UBASH3B: variants seen among roughly 807,000 people sequenced by gnomAD.
UBASH3B encodes ubiquitin-associated and SH3 domain-containing protein B.
In UBASH3B, 37 loss-of-function variants were observed where a neutral mutation model predicts 83.4. That is an observed-to-expected ratio of 0.44 (90% CI 0.34 to 0.58). UBASH3B has a LOEUF of 0.58. Ranked by LOEUF, UBASH3B falls within the 20% of genes least tolerant of loss-of-function variation. UBASH3B has a pLI of 0.01. For synonymous variants in UBASH3B, 304 were observed against 318.3 expected, an observed-to-expected ratio of 0.96 and a Z score of 0.48; for missense variants, 657 against 827.2, an observed-to-expected ratio of 0.79 and a Z score of 2.52.
At chr11:122,777,295 C>A in intron 3 of UBASH3B, 85 bp downstream of exon 3, 1 of 1,404,526 alleles carries the variant, frequency 7.1e-7, no homozygotes, top group Admixed American at 2.3e-5. Flanking sequence ...AGGGAGGCCT[C>A]GCAGGAAGAC....
At chr11:122,751,638 C>T (rs541154438) in intron 1 of UBASH3B, among the ~76,000 whole-genome samples, 5 of 152,336 alleles carry the variant, frequency 3.3e-5, no homozygotes, top group Admixed American at 6.5e-5. Context: ...CCTGTTCTCC[C>T]CTGGGAAGAT....
chr11:122,742,111 C>T (rs182490576), intron 1 of UBASH3B, among the ~76,000 whole-genome samples: 110 of 152,326 alleles, frequency 7.2e-4, no homozygotes, highest in African/African-American at 2.3e-3. Flanking sequence ...CTCAGGGATC[C>T]GCTTCCTCCA....
Position 122,675,680 on chromosome 11 carries a change from A to G in UBASH3B, c.161+19470A>G, listed in dbSNP as rs115917974. Among the ~76,000 whole-genome samples, 251 of 152,334 alleles carry G rather than the reference A, an allele frequency of 1.6e-3. 1 individual carries two copies. Among genetic ancestry groups the G allele is most frequent in the African/African-American group, 5.4e-3 (224 of 41,572 alleles). On this transcript the variant is annotated intron_variant, in intron 1 of 13. Transcript: ENST00000284273. Reference sequence around the variant, plus strand: ...TCTGATGAGCCAAGCACTGGGGTCCATGGCCCCCAGAGATAAACAGGATGT... The same window carrying G: ...TCTGATGAGCCAAGCACTGGGGTCCGTGGCCCCCAGAGATAAACAGGATGT...
At chr11:122,776,454 C>T (rs933481621) in intron 2 of UBASH3B, among the ~76,000 whole-genome samples, 182 bp downstream of exon 2, 2 of 152,126 alleles carry the variant, frequency 1.3e-5, no homozygotes, top group Non-Finnish European at 2.9e-5. Flanking sequence ...GGGTATGTTT[C>T]TCCTTGGAGC....
intron 12 of UBASH3B, among the ~76,000 whole-genome samples, chr11:122,807,772 T>C (rs1861366781): frequency 6.6e-6 from 1 of 152,086 alleles, no homozygotes; most frequent in African/African-American, 2.4e-5. Flanking sequence ...CAGGCTGGTC[T>C]CAAACTCCTG....
In UBASH3B at chr11:122,674,724, GTTTTTT is replaced by G. The variant is rs35117227; in HGVS notation, c.161+18531_161+18536del. 2.1e-3 allele frequency among the ~76,000 whole-genome samples: 236 copies of G among 112,312 alleles called. 1 individual carries two copies. The highest frequency in any genetic ancestry group is 6.4e-3 in the African/African-American group (192 of 29,848). 73.7% of individuals were successfully genotyped at this position (112,312 alleles called of 152,430 possible). On this transcript the variant is annotated intron_variant, in intron 1 of 13. Coordinates refer to ENST00000284273, the MANE Select transcript of UBASH3B (RefSeq NM_032873.5). The stretch of plus-strand genomic sequence containing the variant: ...TCAGCACAGCAAAGCTCTGCAGTTA[GTTTTTT>G]TTTTTTTTTTTTTTTTGAGGCGGAG...
chr11:122,785,250 G>A (rs1027459498), intron 5 of UBASH3B, among the ~76,000 whole-genome samples: 20 of 152,242 alleles, frequency 1.3e-4, no homozygotes, highest in Admixed American at 3.9e-4. Context: ...ATTTATTACC[G>A]TTCGTTCTGA....
At chr11:122,658,067 T>C (rs1400617931) in intron 1 of UBASH3B, among the ~76,000 whole-genome samples, 1 of 151,616 alleles carries the variant, frequency 6.6e-6, no homozygotes, top group Admixed American at 6.6e-5. Flanking sequence ...TCCCAGCTAC[T>C]TGGGAGGCTG....
intron 1 of UBASH3B, among the ~76,000 whole-genome samples, chr11:122,757,985 C>T (rs538534752): frequency 1.1e-4 from 17 of 152,228 alleles, no homozygotes; most frequent in Admixed American, 9.8e-4. Context: ...GGATTACAGG[C>T]GTGAGCCACC....
chr11:122,688,887 G>T (rs1191140113), intron 1 of UBASH3B, among the ~76,000 whole-genome samples: 1 of 151,220 alleles, frequency 6.6e-6, no homozygotes, highest in Non-Finnish European at 1.5e-5. Context: ...CTCGTGATCC[G>T]CCTGCCTGGG....
chr11:122,694,571 TA>T (rs1382515113), intron 1 of UBASH3B, among the ~76,000 whole-genome samples: 2 of 152,074 alleles, frequency 1.3e-5, no homozygotes, highest in East Asian at 1.9e-4. Context: ...ACTCTGTCTC[TA>T]AAAAAACTTG....
chr11:122,765,951 C>T (rs900171668), intron 1 of UBASH3B, among the ~76,000 whole-genome samples: 2 of 152,200 alleles, frequency 1.3e-5, no homozygotes, highest in African/African-American at 2.4e-5. Context: ...CAGGTTAGGC[C>T]TTACCTGAGG....
At chr11:122,767,715 G>C (rs1265541509) in intron 1 of UBASH3B, among the ~76,000 whole-genome samples, 2 of 152,166 alleles carry the variant, frequency 1.3e-5, no homozygotes, top group Non-Finnish European at 2.9e-5. Flanking sequence ...ACAGCACAGA[G>C]GACTAAGAAG....
At chr11:122,671,890 T>C (rs1443025193) in intron 1 of UBASH3B, among the ~76,000 whole-genome samples, 2 of 152,200 alleles carry the variant, frequency 1.3e-5, no homozygotes, top group African/African-American at 2.4e-5. Flanking sequence ...AATCTCAGTA[T>C]GTGAAGTTTT....
At chr11:122,791,256 T>C (rs1861048584) in intron 6 of UBASH3B, among the ~76,000 whole-genome samples, 1 of 152,180 alleles carries the variant, frequency 6.6e-6, no homozygotes, top group African/African-American at 2.4e-5. Flanking sequence ...TGGATTCCAA[T>C]AGTCTTGGAT....
In UBASH3B at chr11:122,753,934, C is replaced by A. The variant is rs993915889; in HGVS notation, c.162-22285C>A. 3.3e-5 allele frequency among the ~76,000 whole-genome samples: 5 copies of A among 152,176 alleles called. No homozygotes were observed. The South Asian group carries it at 6.2e-4, about 19-fold the overall frequency. ...ATAAATGCATTCGACAAATCAAGTG[C>A]CTTCCCTGTGAAACTCCTAGTGCAG... On this transcript the variant is annotated intron_variant, in intron 1 of 13. Transcript: ENST00000284273.
chr11:122,808,314 G>T, intron 13 of UBASH3B, 138 bp downstream of exon 13: 1 of 759,956 alleles, frequency 1.3e-6, no homozygotes, highest in Admixed American at 1.9e-5. Flanking sequence ...ACTCAACCAA[G>T]ATGTATTGAG....
At chr11:122,738,206 C>A (rs1184735412) in intron 1 of UBASH3B, among the ~76,000 whole-genome samples, 1 of 152,158 alleles carries the variant, frequency 6.6e-6, no homozygotes, top group Non-Finnish European at 1.5e-5. Context: ...TGAGCCTCAT[C>A]CATAAGTTGG....
intron 1 of UBASH3B, among the ~76,000 whole-genome samples, chr11:122,692,317 A>G (rs2135920620): frequency 6.6e-6 from 1 of 152,340 alleles, no homozygotes; most frequent in East Asian, 1.9e-4. Flanking sequence ...ACTAAACATT[A>G]GTAAAATATT....
Sources: allele counts gnomAD v4.1 joint callset (sites outside exome capture counted in the v4.1 genomes callset), GRCh38; gene constraint gnomAD v4.1.1; transcripts MANE v1.5; gene names NCBI Gene and HGNC (gene_info 2026-07-23, HGNC 2026-07-21).